Variants in DIAPH3 observed in about 807,000 individuals in gnomAD.
The protein encoded by DIAPH3 is protein diaphanous homolog 3.
Under a neutral mutation model 144.3 loss-of-function variants are expected in DIAPH3, and 117 were observed. That is an observed-to-expected ratio of 0.81 (90% CI 0.70 to 0.95). The LOEUF is 0.95. Ranked by LOEUF, DIAPH3 falls within the 40% of genes least tolerant of loss-of-function variation. The probability of loss-of-function intolerance (pLI) is 0.00; values close to 1 mark genes in which losing one functional copy is unlikely to be tolerated. For missense variants in DIAPH3, 1,421 were observed against 1,412.7 expected (o/e 1.01, Z -0.09); for synonymous variants, 519 against 488.9 (o/e 1.06, Z -0.81).
intron 3 of DIAPH3, among the ~76,000 whole-genome samples, chr13:60,102,731 A>G (rs2058306284): frequency 6.6e-6 from 1 of 152,212 alleles, no homozygotes; most frequent in Non-Finnish European, 1.5e-5. Flanking sequence ...TAGCAGACCC[A>G]CACTAAACCT....
chr13:59,777,755 T>C (rs1001348923), intron 25 of DIAPH3, among the ~76,000 whole-genome samples: 6 of 152,010 alleles, frequency 3.9e-5, no homozygotes, highest in Non-Finnish European at 8.8e-5. Flanking sequence ...ACAACTGGCC[T>C]AGGATCTAAA....
chr13:59,811,513 C>A (rs941864150), intron 24 of DIAPH3, among the ~76,000 whole-genome samples: 4 of 151,936 alleles, frequency 2.6e-5, no homozygotes, highest in African/African-American at 7.2e-5. Flanking sequence ...CCGAGGTGGG[C>A]GGATCATAAG....
At chr13:59,893,502 T>G (rs565732491) in intron 20 of DIAPH3, among the ~76,000 whole-genome samples, 22 of 152,188 alleles carry the variant, frequency 1.4e-4, no homozygotes, top group African/African-American at 4.6e-4. Flanking sequence ...AAGCTGGAGC[T>G]GGGGAGGTAG....
At chr13:59,878,699 G>A (rs340225) in intron 21 of DIAPH3, among the ~76,000 whole-genome samples, 101,704 of 151,950 alleles carry the variant, frequency 0.67, 35,797 homozygotes, top group East Asian at 0.89. Context: ...ATGTCCTCTA[G>A]AATTATATTT....
At chr13:60,070,603 C>T (rs2057168815) in intron 4 of DIAPH3, among the ~76,000 whole-genome samples, 1 of 152,166 alleles carries the variant, frequency 6.6e-6, no homozygotes, top group South Asian at 2.1e-4. Context: ...ATTCTGGTGT[C>T]ATTCCAACCT....
At chr13:59,996,014 G>A (rs562124415) in intron 9 of DIAPH3, among the ~76,000 whole-genome samples, 2 of 152,156 alleles carry the variant, frequency 1.3e-5, no homozygotes, top group African/African-American at 4.8e-5. Context: ...GGAAAACAAG[G>A]AGATTGTGGT....
chr13:59,704,496 C>G (rs2034304187), intron 27 of DIAPH3, among the ~76,000 whole-genome samples: 1 of 152,232 alleles, frequency 6.6e-6, no homozygotes, highest in East Asian at 1.9e-4. Context: ...TTATTTTTTT[C>G]TTAGCACTCT....
At position 60,052,959 on chromosome 13, in the gene DIAPH3, TAAA is replaced by T. The variant is rs559991017; in HGVS notation, c.496-10142_496-10140del. Among the ~76,000 whole-genome samples the T allele has an allele frequency of 1.8e-3, 72 of 40,642 alleles. 2 individuals carry two copies. The highest frequency in any genetic ancestry group is 0.048 in the Middle Eastern group (2 of 42). 26.7% of individuals were successfully genotyped at this position (40,642 alleles called of 152,430 possible). ...CTGGTGACAGAGCCAGACTCCCTCT[TAAA>T]AAAAAAAAAAAAAAAAAAGAAATAA... On this transcript the variant is annotated intron_variant, in intron 4 of 27. Transcript: ENST00000400324.
intron 27 of DIAPH3, among the ~76,000 whole-genome samples, chr13:59,688,213 A>T (rs1216336758): frequency 6.6e-6 from 1 of 152,092 alleles, no homozygotes; most frequent in Non-Finnish European, 1.5e-5. Context: ...TCTCAGCTTG[A>T]TAAATTGTTT....
Position 59,839,272 on chromosome 13 carries a change from T to G in DIAPH3, c.2862+52A>C, listed in dbSNP as rs915178843. 9 of 1,602,584 alleles carry G rather than the reference T, an allele frequency of 5.6e-6. No homozygotes were observed. In the African/African-American group the frequency reaches 9.4e-5, roughly 17 times the overall value. On this transcript the variant is annotated intron_variant, in intron 23 of 27. Transcript: ENST00000400324. Reference sequence around the variant, plus strand: ...AAAGACATCTAAAATATTAAATAAATTGTATCTCTAGTTGACTAGTGACTT... The same window carrying G: ...AAAGACATCTAAAATATTAAATAAAGTGTATCTCTAGTTGACTAGTGACTT...
At chr13:59,710,726 C>T (rs917052072) in intron 27 of DIAPH3, among the ~76,000 whole-genome samples, 7 of 152,146 alleles carry the variant, frequency 4.6e-5, no homozygotes, top group South Asian at 2.1e-4. Context: ...GAGTATCAGG[C>T]CTTTTCAACA....
At chr13:59,823,604 T>C (rs776715948) in intron 24 of DIAPH3, among the ~76,000 whole-genome samples, 1 of 152,182 alleles carries the variant, frequency 6.6e-6, no homozygotes, top group Non-Finnish European at 1.5e-5. Context: ...CCATAGGACT[T>C]GTACATGATT....
chr13:59,975,278 C>A (rs1269366286), intron 14 of DIAPH3, among the ~76,000 whole-genome samples: 1 of 151,706 alleles, frequency 6.6e-6, no homozygotes, highest in Non-Finnish European at 1.5e-5. Flanking sequence ...ACACTCAAAC[C>A]TTAATTAGGA....
intron 27 of DIAPH3, among the ~76,000 whole-genome samples, chr13:59,740,972 G>C (rs2036411669): frequency 6.6e-6 from 1 of 152,194 alleles, no homozygotes; most frequent in East Asian, 1.9e-4. Context: ...TAAGGATGAT[G>C]AGCAGATAGG....
intron 22 of DIAPH3, among the ~76,000 whole-genome samples, chr13:59,852,454 G>C: frequency 6.6e-6 from 1 of 152,126 alleles, no homozygotes; most frequent in East Asian, 1.9e-4. Context: ...AGAGTTGCTG[G>C]AGACCAGTTG....
At chr13:59,759,503 C>G (rs2037462365) in intron 27 of DIAPH3, among the ~76,000 whole-genome samples, 1 of 152,162 alleles carries the variant, frequency 6.6e-6, no homozygotes, top group Non-Finnish European at 1.5e-5. Context: ...CATCCCATCA[C>G]TAAATACATT....
intron 27 of DIAPH3, among the ~76,000 whole-genome samples, chr13:59,759,948 AAAAC>A (rs10636836): frequency 0.028 from 4,179 of 150,112 alleles, 101 homozygotes; most frequent in East Asian, 0.12. Flanking sequence ...ACTCCATCTC[AAAAC>A]AAACAAACAA....
At chr13:59,827,197 T>A (rs1350986180) in intron 24 of DIAPH3, among the ~76,000 whole-genome samples, 2 of 151,864 alleles carry the variant, frequency 1.3e-5, no homozygotes, top group Non-Finnish European at 2.9e-5. Context: ...CTAATTAAAC[T>A]AAAGAGCTTC....
intron 27 of DIAPH3, 28 bp downstream of exon 27, chr13:59,774,161 T>C (rs750697558): frequency 6.2e-7 from 1 of 1,607,332 alleles, no homozygotes; most frequent in Non-Finnish European, 8.5e-7. Context: ...ATAAGAAGAA[T>C]GTGCAATTTA....
Sources: gnomAD v4.1 joint callset for allele counts (sites outside exome capture counted in the v4.1 genomes callset) on GRCh38, gnomAD v4.1.1 for gene constraint, MANE v1.5 for transcripts, NCBI Gene and HGNC (gene_info 2026-07-23, HGNC 2026-07-21) for gene names.